ATG7: variants seen among roughly 807,000 people sequenced by gnomAD.
The protein encoded by ATG7 is ubiquitin-like modifier-activating enzyme ATG7.
ATG7 carries 70 observed loss-of-function variants against 82.4 expected under a neutral mutation model. The observed-to-expected ratio is 0.85, with a 90% CI of 0.70 to 1.04. The LOEUF is 1.04. Among genes scored for constraint, ATG7 ranks in the 50% least tolerant of loss-of-function variants. The pLI is 0.00. For missense variants in ATG7, 792 were observed against 864.3 expected, an observed-to-expected ratio of 0.92 and a Z score of 1.05; for synonymous variants, 287 against 313.0, an observed-to-expected ratio of 0.92 and a Z score of 0.88.
intron 20 of ATG7, among the ~76,000 whole-genome samples, chr3:11,486,356 A>G (rs1365984090): frequency 1.3e-5 from 2 of 152,192 alleles, no homozygotes; most frequent in East Asian, 3.8e-4. Context: ...ATTGCTGTAT[A>G]AGAATGCTTG....
At chr3:11,437,260 T>C (rs1415134064) in intron 20 of ATG7, among the ~76,000 whole-genome samples, 2 of 152,218 alleles carry the variant, frequency 1.3e-5, no homozygotes, top group Non-Finnish European at 2.9e-5. Flanking sequence ...ATCTCTTCCA[T>C]TTTTATTGTG....
intron 1 of ATG7, among the ~76,000 whole-genome samples, chr3:11,278,242 G>T (rs1942311340): frequency 6.6e-6 from 1 of 152,118 alleles, no homozygotes; most frequent in African/African-American, 2.4e-5. Flanking sequence ...AGAGATTAAA[G>T]ACAGGCATAA....
At chr3:11,563,679 A>G in the ATG7 span, among the ~76,000 whole-genome samples, 1 of 152,234 alleles carries the variant, frequency 6.6e-6, no homozygotes, top group Non-Finnish European at 1.5e-5. Context: ...CCTCCAGACT[A>G]AAACTGAGCG....
At chr3:11,378,202 G>GGT (rs1336164325) in intron 18 of ATG7, among the ~76,000 whole-genome samples, 1 of 150,184 alleles carries the variant, frequency 6.7e-6, no homozygotes, top group Non-Finnish European at 1.5e-5. Context: ...TTTTAGCAGA[G>GGT]GTGGGGGTTT....
chr3:11,382,285 T>G (rs6762035), intron 19 of ATG7, among the ~76,000 whole-genome samples: 33,527 of 152,086 alleles, frequency 0.22, 4,125 homozygotes, highest in Admixed American at 0.34. Flanking sequence ...CACATATATA[T>G]AGAGAGAGAG....
chr3:11,405,497 G>A (rs1370690117), intron 19 of ATG7, among the ~76,000 whole-genome samples: 2 of 152,144 alleles, frequency 1.3e-5, no homozygotes. Context: ...AGGATTTTCA[G>A]AGGTTCTTAC....
intron 20 of ATG7, among the ~76,000 whole-genome samples, chr3:11,445,448 A>G (rs527510699): frequency 3.3e-5 from 5 of 152,290 alleles, no homozygotes; most frequent in South Asian, 4.1e-4. Context: ...ACCTAATACC[A>G]TATGTTATCA....
the ATG7 span, chr3:11,564,969 C>T: frequency 4.2e-5 from 64 of 1,540,862 alleles, no homozygotes; most frequent in Non-Finnish European, 5.2e-5. Flanking sequence ...GATGGGGCTG[C>T]GGCTCCGCTC....
At chr3:11,310,459 T>C (rs1342546425) in intron 7 of ATG7, among the ~76,000 whole-genome samples, 1 of 152,166 alleles carries the variant, frequency 6.6e-6, no homozygotes, top group African/African-American at 2.4e-5. Flanking sequence ...AAGGAGGGTA[T>C]GATAGCAATC....
intron 19 of ATG7, among the ~76,000 whole-genome samples, chr3:11,389,833 C>CAG: frequency 6.6e-6 from 1 of 152,296 alleles, no homozygotes; most frequent in South Asian, 2.1e-4. Context: ...GTAATTGACT[C>CAG]TGGATTCACT....
chr3:11,558,855 C>CA (rs1205766994), downstream of ATG7: 9 of 1,606,372 alleles, frequency 5.6e-6, no homozygotes, highest in Non-Finnish European at 6.0e-6. Context: ...GGCAGGCAGT[C>CA]AGACACAGGT....
chr3:11,542,150 T>C (rs2070882735), intron 20 of ATG7, among the ~76,000 whole-genome samples: 1 of 152,202 alleles, frequency 6.6e-6, no homozygotes, highest in South Asian at 2.1e-4. Context: ...GAAACCTCCC[T>C]CCTCTGCATG....
chr3:11,464,262 C>T (rs554099293), intron 20 of ATG7, among the ~76,000 whole-genome samples: 1 of 152,270 alleles, frequency 6.6e-6, no homozygotes, highest in Non-Finnish European at 1.5e-5. Flanking sequence ...GTCCCAGCTA[C>T]TTGGGAGTCT....
intron 20 of ATG7, among the ~76,000 whole-genome samples, chr3:11,498,921 G>C (rs966886767): frequency 6.6e-6 from 1 of 152,122 alleles, no homozygotes; most frequent in African/African-American, 2.4e-5. Context: ...CATGACTTCT[G>C]GTCTCTGAGT....
chr3:11,282,767 G>C (rs569557516), intron 3 of ATG7, among the ~76,000 whole-genome samples: 23 of 152,282 alleles, frequency 1.5e-4, no homozygotes, highest in Non-Finnish European at 2.1e-4. Flanking sequence ...CAGCCTTGCA[G>C]ATTGTTTCTG....
At position 11,553,757 on chromosome 3, in the gene ATG7, G is replaced by A. The variant is rs562635068; in HGVS notation, c.2080-1054G>A. Among the ~76,000 whole-genome samples, 5 of 152,306 alleles carry A rather than the reference G, an allele frequency of 3.3e-5. No individual in the cohort carries two copies. In the South Asian group the frequency reaches 1.0e-3, roughly 32 times the overall value. ...GAGAAGGCTGCCTCCCCTCAGCCTG[G>A]GAGCTGGGTCCTCAGGAGAGAGGAA... On this transcript the variant is annotated intron_variant, in intron 20 of 20. Transcript: ENST00000693202.
At chr3:11,467,530 C>T (rs1238039750) in intron 20 of ATG7, among the ~76,000 whole-genome samples, 1 of 152,172 alleles carries the variant, frequency 6.6e-6, no homozygotes, top group Non-Finnish European at 1.5e-5. Flanking sequence ...CATCCACCAT[C>T]GTGCCTGACT....
At chr3:11,397,951 G>C (rs535199884) in intron 19 of ATG7, among the ~76,000 whole-genome samples, 30 of 151,660 alleles carry the variant, frequency 2.0e-4, no homozygotes, top group African/African-American at 7.2e-4. Flanking sequence ...GAGCATGGTG[G>C]CACATGCCTG....
intron 20 of ATG7, among the ~76,000 whole-genome samples, chr3:11,519,472 T>A (rs1169244984): frequency 6.7e-6 from 1 of 148,192 alleles, no homozygotes. Flanking sequence ...AGGGGTAAAT[T>A]GGGAACAAGC....
Sources: allele counts gnomAD v4.1 joint callset (sites outside exome capture counted in the v4.1 genomes callset), GRCh38; gene constraint gnomAD v4.1.1; transcripts MANE v1.5; gene names NCBI Gene and HGNC (gene_info 2026-07-23, HGNC 2026-07-21).